The following CREG2 variants were observed in gnomAD, a reference collection of about 807,000 sequenced individuals.
CREG2 encodes the protein cellular repressor of E1A stimulated genes 2.
CREG2 carries 24 observed loss-of-function variants against 26.2 expected under a neutral mutation model. That is an observed-to-expected ratio of 0.92 (90% CI 0.66 to 1.29). The LOEUF (loss-of-function observed/expected upper bound fraction) is 1.29, where lower values mean the gene tolerates loss of function less well. Ranked by LOEUF, CREG2 falls within the 50% of genes most tolerant of loss-of-function variation. CREG2 has a pLI of 0.00. For missense variants in CREG2, 366 were observed against 398.6 expected (o/e 0.92, Z 0.70); for synonymous variants, 174 against 169.2 (o/e 1.03, Z -0.22).
At chr2:101,358,548 G>C in intron 2 of CREG2, among the ~76,000 whole-genome samples, 1 of 152,182 alleles carries the variant, frequency 6.6e-6, no homozygotes, top group Non-Finnish European at 1.5e-5. Flanking sequence ...TAGCAGTGGG[G>C]AAATACAAAT....
At chr2:101,352,929 A>G (rs7591365) in intron 3 of CREG2, among the ~76,000 whole-genome samples, 102,132 of 151,908 alleles carry the variant, frequency 0.67, 36,210 homozygotes, top group South Asian at 0.78. Flanking sequence ...CAGCCTGCAC[A>G]AAAGAAAAAA....
At chr2:101,375,298 C>T (rs1404638895) in intron 2 of CREG2, among the ~76,000 whole-genome samples, 1 of 152,166 alleles carries the variant, frequency 6.6e-6, no homozygotes, top group African/African-American at 2.4e-5. Flanking sequence ...CACCTCCCCT[C>T]AGAAACTAGA....
rs73943455 is a variant in CREG2 at position 101,349,401 on chromosome 2, T to C, written c.*1522A>G. On this transcript the variant is annotated 3_prime_UTR_variant, in exon 4 of 4. Transcript: ENST00000324768. The stretch of plus-strand genomic sequence containing the variant: ...TATATTTTGACAACTCAAGCTCTCG[T>C]CGTATGTTATTTTGTTAAGCAAAAG... The C allele has an allele frequency of 1.5e-3, 225 of 152,698 alleles. 1 individual carries two copies. The highest frequency in any genetic ancestry group is 5.3e-3 in the African/African-American group (221 of 41,564). The allele number at this position is 152,698 out of a possible 1,614,324, so 9.5% of individuals were successfully genotyped here.
chr2:101,383,867 G>GT (rs1389647147), intron 1 of CREG2, among the ~76,000 whole-genome samples, 165 bp from the exon 2 acceptor site: 1 of 152,198 alleles, frequency 6.6e-6, no homozygotes, highest in East Asian at 1.9e-4. Context: ...GTGGTCCCCA[G>GT]TCTGCCCAAT....
At chr2:101,352,634 C>A (rs375588817) in intron 3 of CREG2, among the ~76,000 whole-genome samples, 1 of 152,196 alleles carries the variant, frequency 6.6e-6, no homozygotes, top group Admixed American at 6.5e-5. Flanking sequence ...ATGGCAAAAC[C>A]CTGTCTCTAC....
rs752792313 is a variant in CREG2, at chr2:101,387,339, C to T, written c.119G>A (p.Trp40Ter). 31 of 1,486,158 alleles carry T rather than the reference C, an allele frequency of 2.1e-5. No homozygotes were observed. The East Asian group carries it at 8.3e-4, about 40-fold the overall frequency. The allele number at this position is 1,486,158 out of a possible 1,614,324, so 92.1% of individuals were successfully genotyped here. A position where few individuals can be genotyped will look rare whatever the true frequency, so the allele number is the denominator to read the frequency against. The change falls in exon 1 of 4, where the codon TGG becomes TAG. Residue 40 changes from tryptophan to a stop codon, truncating the protein, a stop_gained. Coordinates refer to ENST00000324768, the MANE Select transcript of CREG2 (RefSeq NM_153836.4). LOFTEE classifies it high-confidence loss of function. This position sits in a 1 kb window ranked among gnomAD's most constrained non-coding sequence, Gnocchi z 4.7. ...CTCGTCCACCTCGTTGGTGACGGCC[C>T]AAGACACGGAGCTCACGATCACGTA... Reference protein sequence around the residue: ...AGYVIVSSVSWAVTNEVDEEL... With the variant: ...AGYVIVSSVS
In CREG2 at chr2:101,345,655, C is replaced by T. The variant is rs956893818; in HGVS notation, c.*5268G>A. On this transcript the variant is annotated 3_prime_UTR_variant, in exon 4 of 4. Coordinates refer to ENST00000324768, the MANE Select transcript of CREG2 (RefSeq NM_153836.4). ...GAAAACAGATTTTACATTTTACATGCATTACATGGCACAAATAATCACATC... is the reference window on the plus strand; with the variant it reads ...GAAAACAGATTTTACATTTTACATGTATTACATGGCACAAATAATCACATC... 3.3e-5 allele frequency: 5 copies of T among 152,124 alleles called. No homozygotes were observed. The highest frequency in any genetic ancestry group is 1.2e-4 in the African/African-American group (5 of 41,422). 9.4% of individuals were successfully genotyped at this position (152,124 alleles called of 1,614,324 possible). A position where few individuals can be genotyped will look rare whatever the true frequency, so the allele number is the denominator to read the frequency against.
chr2:101,387,295 T>A lies in CREG2; in HGVS notation c.163A>T (p.Thr55Ser). Reference sequence around the variant, plus strand: ...AGCAGCGCGGGCATAGCCTCCTCAGTGGAGGCGCTGTCCAGCTCCTCGTCC... The same window carrying A: ...AGCAGCGCGGGCATAGCCTCCTCAGAGGAGGCGCTGTCCAGCTCCTCGTCC... ...EVDEELDSAS[T>S]EEAMPALLED... The change falls in exon 1 of 4, where the codon ACT becomes TCT. Residue 55 changes from threonine to serine, a missense_variant. This residue lies in a region of CREG2 where 177 missense variants were observed against 183.3 expected (regional missense o/e 0.97). Transcript: ENST00000324768. This position sits in a 1 kb window ranked among gnomAD's most constrained non-coding sequence, Gnocchi z 4.7. 1 of 1,489,924 alleles carries A rather than the reference T, an allele frequency of 6.7e-7. No individual in the cohort carries two copies. The highest frequency in any genetic ancestry group is 9.0e-7 in the Non-Finnish European group (1 of 1,113,174). 92.3% of individuals were successfully genotyped at this position (1,489,924 alleles called of 1,614,324 possible). A position where few individuals can be genotyped will look rare whatever the true frequency, so the allele number is the denominator to read the frequency against.
In CREG2 at chr2:101,387,152, C is replaced by A. The variant is rs1684984820; in HGVS notation, c.306G>T (p.Gly102=). The stretch of plus-strand genomic sequence containing the variant: ...CGCCCTCGCGCCGGTAGGAGAACAT[C>A]CCGGGTGGCGCGGGGGGCGGCCTGG... The part of the protein sequence containing the change: ...ARARPPPAPP[G]MFSYRREGGQ... The change falls in exon 1 of 4, where the codon GGG becomes GGT. Residue 102 remains glycine (G), a synonymous_variant. Transcript: ENST00000324768. The surrounding 1 kb of genome is among the most constrained non-coding windows in gnomAD (Gnocchi z 4.7). The A allele has an allele frequency of 7.9e-7, 1 of 1,265,642 alleles. No homozygotes were observed. The highest frequency in any genetic ancestry group is 9.9e-7 in the Non-Finnish European group (1 of 1,005,266). The allele number at this position is 1,265,642 out of a possible 1,614,324, so 78.4% of individuals were successfully genotyped here.
chr2:101,364,505 G>T (rs914120449), intron 2 of CREG2, among the ~76,000 whole-genome samples: 2 of 152,222 alleles, frequency 1.3e-5, no homozygotes, highest in African/African-American at 4.8e-5. Context: ...GGAGGGAGAG[G>T]AGTGAGTTGC....
chr2:101,387,167 G>A lies in CREG2; in HGVS notation c.291C>T (p.Pro97=). Residue 97 remains proline, a synonymous_variant, in exon 1 of 4, where the codon CCC becomes CCT. Transcript: ENST00000324768. This position sits in a 1 kb window ranked among gnomAD's most constrained non-coding sequence, Gnocchi z 4.7. The stretch of plus-strand genomic sequence containing the variant: ...AGGAGAACATCCCGGGTGGCGCGGG[G>A]GGCGGCCTGGCCCGGGCGGCGCCCG... ...PRAGAARARP[P]PAPPGMFSYR... 5 of 1,281,470 alleles carry A rather than the reference G, an allele frequency of 3.9e-6. No individual in the cohort carries two copies. The highest frequency in any genetic ancestry group is 6.3e-5 in the East Asian group (2 of 31,582). The allele number at this position is 1,281,470 out of a possible 1,614,324, so 79.4% of individuals were successfully genotyped here.
intron 2 of CREG2, among the ~76,000 whole-genome samples, chr2:101,368,734 G>T (rs1197745237): frequency 6.6e-6 from 1 of 152,178 alleles, no homozygotes; most frequent in Non-Finnish European, 1.5e-5. Flanking sequence ...TCCTGAATGG[G>T]ATTAGTGTCT....
At chr2:101,382,721 G>C (rs1194563133) in intron 2 of CREG2, 4 of 985,242 alleles carry the variant, frequency 4.1e-6, no homozygotes, top group Non-Finnish European at 4.8e-6. Context: ...TATGTTTTCC[G>C]TGCTGTGCAT....
rs1684341250 is a variant in CREG2, at chr2:101,349,078, A to G, written c.*1845T>C. The G allele has an allele frequency of 4.6e-5, 7 of 152,780 alleles. No homozygotes were observed. The South Asian group carries it at 1.5e-3, about 32-fold the overall frequency. The allele number at this position is 152,780 out of a possible 1,614,324, so 9.5% of individuals were successfully genotyped here. A position where few individuals can be genotyped will look rare whatever the true frequency, so the allele number is the denominator to read the frequency against. On this transcript the variant is annotated 3_prime_UTR_variant, in exon 4 of 4. Transcript: ENST00000324768. ...GGAACCTGACTATAAACGCAAACCT[A>G]GCCAGGGGACCTTATCTGCAAGACA...
intron 2 of CREG2, among the ~76,000 whole-genome samples, chr2:101,370,376 C>T (rs992295655): frequency 1.1e-4 from 16 of 152,124 alleles, no homozygotes; most frequent in Non-Finnish European, 2.9e-5. Flanking sequence ...TTTATTGGTG[C>T]TGAGAGTGTG....
intron 2 of CREG2, among the ~76,000 whole-genome samples, chr2:101,374,068 A>G (rs1047145101): frequency 1.3e-5 from 2 of 152,138 alleles, no homozygotes; most frequent in Non-Finnish European, 2.9e-5. Flanking sequence ...GTTTCACCCC[A>G]TCGACTCAAC....
At position 101,381,132 on chromosome 2, in the gene CREG2, G is replaced by A. The variant is rs541206936; in HGVS notation, c.611+2401C>T. Among the ~76,000 whole-genome samples, 7 of 152,304 alleles carry A rather than the reference G, an allele frequency of 4.6e-5. No individual in the cohort carries two copies. In the East Asian group the frequency reaches 9.6e-4, roughly 21 times the overall value. The stretch of plus-strand genomic sequence containing the variant: ...GAGATGCTGTGAAGCTCTGAAGCAC[G>A]TGACGACGATCTCTGCCTTTGCTGG... On this transcript the variant is annotated intron_variant, in intron 2 of 3. Coordinates refer to ENST00000324768, the MANE Select transcript of CREG2 (RefSeq NM_153836.4).
At chr2:101,354,171 G>C (rs937875955) in intron 3 of CREG2, among the ~76,000 whole-genome samples, 1 of 152,128 alleles carries the variant, frequency 6.6e-6, no homozygotes, top group Non-Finnish European at 1.5e-5. Context: ...CACTGATCTA[G>C]GGAAGATTTT....
intron 2 of CREG2, among the ~76,000 whole-genome samples, chr2:101,364,589 T>C (rs576177243): frequency 1.3e-5 from 2 of 152,308 alleles, no homozygotes; most frequent in East Asian, 3.9e-4. Context: ...GGGGAACGTT[T>C]AGGTTTGTTC....
Sources: gnomAD v4.1 joint callset for allele counts (sites outside exome capture counted in the v4.1 genomes callset) on GRCh38, gnomAD v4.1.1 for gene constraint, gnomAD v4.1.1 regional missense constraint, Gnocchi (gnomAD v3.1) non-coding constraint, MANE v1.5 for transcripts, NCBI Gene and HGNC (gene_info 2026-07-23, HGNC 2026-07-21) for gene names.